WDFY4: variants seen among roughly 807,000 people sequenced by gnomAD.
WDFY4 encodes WDFY family member 4.
A neutral mutation model predicts 351.9 loss-of-function variants in WDFY4; 169 were observed. The ratio of observed to expected loss-of-function variants is 0.48; its 90% CI spans 0.42 to 0.55. The LOEUF (loss-of-function observed/expected upper bound fraction) is 0.55. Among genes scored for constraint, WDFY4 ranks in the 20% least tolerant of loss-of-function variants. The pLI is 0.00. For missense variants in WDFY4, 3,803 were observed against 3,935.6 expected, an observed-to-expected ratio of 0.97 and a Z score of 0.90; for synonymous variants, 1,622 against 1,574.6, an observed-to-expected ratio of 1.03 and a Z score of -0.71.
At chr10:48,795,494 T>TATATATATATATATATATATATATAC (rs2066828276) in intron 23 of WDFY4, among the ~76,000 whole-genome samples, 2 of 35,130 alleles carry the variant, frequency 5.7e-5, no homozygotes, top group Non-Finnish European at 1.1e-4. Context: ...TGTGTCTGTA[T>TATATATATATATATATATATATATAC]ATATATATAT....
chr10:48,913,256 G>C, intron 47 of WDFY4: 1 of 796,700 alleles, frequency 1.3e-6, no homozygotes, highest in Non-Finnish European at 2.0e-6. Flanking sequence ...AGAAAGTAAG[G>C]AAAGGAGTTT....
At chr10:48,969,887 C>A (rs760517617) in intron 56 of WDFY4, among the ~76,000 whole-genome samples, 1 of 152,200 alleles carries the variant, frequency 6.6e-6, no homozygotes, top group Admixed American at 6.5e-5. Context: ...TAAGCCACCC[C>A]GTGCTGGTGC....
At chr10:48,851,721 T>C (rs751140356) in intron 39 of WDFY4, among the ~76,000 whole-genome samples, 2 of 152,274 alleles carry the variant, frequency 1.3e-5, no homozygotes, top group Admixed American at 6.5e-5. Context: ...GGGTGTTTCC[T>C]GCGGGACAGC....
chr10:48,766,002 G>A (rs1179216776), intron 13 of WDFY4, among the ~76,000 whole-genome samples: 1 of 152,150 alleles, frequency 6.6e-6, no homozygotes, highest in African/African-American at 2.4e-5. Context: ...TTCAAACACT[G>A]AACTAATTGT....
intron 32 of WDFY4, 95 bp from the exon 33 acceptor site, chr10:48,820,139 C>A: frequency 7.4e-7 from 1 of 1,342,802 alleles, no homozygotes. Flanking sequence ...TGTCACTGGG[C>A]ATGACAATAA....
intron 7 of WDFY4, among the ~76,000 whole-genome samples, chr10:48,728,187 T>G (rs1481477933): frequency 1.3e-5 from 2 of 152,222 alleles, no homozygotes; most frequent in African/African-American, 4.8e-5. Context: ...TTCCCTTCCC[T>G]GTCTCACGTG....
intron 39 of WDFY4, among the ~76,000 whole-genome samples, chr10:48,834,854 C>T (rs1564401745): frequency 6.6e-6 from 1 of 152,204 alleles, no homozygotes; most frequent in Non-Finnish European, 1.5e-5. Context: ...GCCTCCGAGT[C>T]CTGGGGACAT....
At position 48,729,529 on chromosome 10, in the gene WDFY4, G is replaced by C. The variant is rs912235269; in HGVS notation, c.1069G>C (p.Val357Leu). Reference sequence around the variant, plus strand: ...AACCTGTGGGAGGTCAGAGCTGAAGGTGTTTGACAGCATCACTTACCCTCA... The same window carrying C: ...AACCTGTGGGAGGTCAGAGCTGAAGCTGTTTGACAGCATCACTTACCCTCA... Reference protein sequence around the residue: ...LTTCGRSELKVFDSITYPQLE... With the variant: ...LTTCGRSELKLFDSITYPQLE... The change falls in exon 8 of 62, where the codon GTG (valine) becomes CTG (leucine). Residue 357 changes from valine (V) to leucine (L), a missense_variant. Val to Leu is a conservative substitution (Grantham distance 32, BLOSUM62 1). Coordinates refer to ENST00000325239, the MANE Select transcript of WDFY4 (RefSeq NM_001394531.1). The C allele has an allele frequency of 1.9e-6, 3 of 1,551,626 alleles. No individual in the cohort carries two copies. The Admixed American group carries it at 5.9e-5, about 30-fold the overall frequency.
At chr10:48,886,958 G>A (rs946523590) in intron 43 of WDFY4, among the ~76,000 whole-genome samples, 3 of 152,354 alleles carry the variant, frequency 2.0e-5, no homozygotes, top group African/African-American at 7.2e-5. Context: ...ACTTAGGGAT[G>A]GAGCCCTCCT....
In WDFY4 at chr10:48,743,174, C is replaced by A. The variant is rs1439397830; in HGVS notation, c.2085C>A (p.Asp695Glu). The change falls in exon 12 of 62, where the codon GAC (aspartate) becomes GAA (glutamate). Residue 695 changes from aspartate (D) to glutamate (E), a missense_variant. By Grantham distance (45) the Asp-to-Glu change is conservative (BLOSUM62 2). This residue lies in a region of WDFY4 where 3,054 missense variants were observed against 3,148.6 expected (regional missense o/e 0.97). Coordinates refer to ENST00000325239, the MANE Select transcript of WDFY4 (RefSeq NM_001394531.1). Reference protein sequence around the residue: ...LCAVSAALHWDPVNGYFFRRN... With the variant: ...LCAVSAALHWEPVNGYFFRRN... Reference sequence around the variant, plus strand: ...CTGTGTCCGCAGCGCTGCACTGGGACCCTGTCAATGGCTACTTCTTCAGGA... The same window carrying A: ...CTGTGTCCGCAGCGCTGCACTGGGAACCTGTCAATGGCTACTTCTTCAGGA... 1 of 1,551,704 alleles carries A rather than the reference C, an allele frequency of 6.4e-7. No individual in the cohort carries two copies. The highest frequency in any genetic ancestry group is 8.7e-7 in the Non-Finnish European group (1 of 1,146,998).
chr10:48,881,562 A>G (rs2070250754), intron 43 of WDFY4, among the ~76,000 whole-genome samples: 2 of 152,186 alleles, frequency 1.3e-5, no homozygotes, highest in South Asian at 4.1e-4. Context: ...GCCTGGACTG[A>G]TGTGTGGTGA....
chr10:48,787,867 CTTTCTTCTTTCTTTCTTCTTCTT>C (rs2066476264), intron 20 of WDFY4, among the ~76,000 whole-genome samples: 1 of 105,928 alleles, frequency 9.4e-6, no homozygotes, highest in African/African-American at 5.0e-5. Context: ...CTTTCTTCTT[CTTTCTTCTTTCTTTCTTCTTCTT>C]CTCCTTCTTC....
chr10:48,722,216 C>G (rs1430930988), intron 4 of WDFY4, among the ~76,000 whole-genome samples: 2 of 152,210 alleles, frequency 1.3e-5, no homozygotes, highest in African/African-American at 4.8e-5. Context: ...GGAGGACCTC[C>G]TGACACTTCT....
intron 39 of WDFY4, among the ~76,000 whole-genome samples, chr10:48,854,410 T>C (rs1458895930): frequency 6.6e-6 from 1 of 152,064 alleles, no homozygotes; most frequent in Non-Finnish European, 1.5e-5. Flanking sequence ...CACCCAGCCC[T>C]AAGTCTTTTT....
chr10:48,944,957 C>G (rs1043519861), intron 49 of WDFY4, among the ~76,000 whole-genome samples: 1 of 151,900 alleles, frequency 6.6e-6, no homozygotes, highest in Admixed American at 6.6e-5. Flanking sequence ...CCCTCCAGCA[C>G]TCACTGGGAT....
At chr10:48,944,718 A>G (rs548180954) in intron 49 of WDFY4, among the ~76,000 whole-genome samples, 68 of 152,342 alleles carry the variant, frequency 4.5e-4, no homozygotes, top group African/African-American at 1.5e-3. Flanking sequence ...GAGGCATTTC[A>G]AACACAAAAC....
intron 39 of WDFY4, among the ~76,000 whole-genome samples, chr10:48,852,286 T>C (rs1349873732): frequency 6.6e-6 from 1 of 152,228 alleles, no homozygotes; most frequent in African/African-American, 2.4e-5. Flanking sequence ...CTTCCTACTC[T>C]GCCACTTCCT....
intron 44 of WDFY4, among the ~76,000 whole-genome samples, chr10:48,895,760 T>C (rs1020155542): frequency 8.5e-5 from 13 of 152,314 alleles, no homozygotes; most frequent in African/African-American, 3.1e-4. Context: ...TCCCCTCCTC[T>C]CTTCTGCTTC....
intron 47 of WDFY4, among the ~76,000 whole-genome samples, chr10:48,923,414 G>A (rs1839271806): frequency 6.7e-6 from 1 of 149,896 alleles, no homozygotes; most frequent in Admixed American, 6.7e-5. Context: ...TTCTCCCCAT[G>A]GTAGATTTGC....
Sources: gnomAD v4.1 joint callset for allele counts (sites outside exome capture counted in the v4.1 genomes callset) on GRCh38, gnomAD v4.1.1 for gene constraint, gnomAD v4.1.1 regional missense constraint, MANE v1.5 for transcripts, NCBI Gene and HGNC (gene_info 2026-07-23, HGNC 2026-07-21) for gene names.